Variants in RIF1 observed in about 807,000 individuals in gnomAD.
RIF1 encodes telomere-associated protein RIF1.
Under a neutral mutation model 247.1 loss-of-function variants are expected in RIF1, and 45 were observed. That is an observed-to-expected ratio of 0.18 (90% CI 0.14 to 0.23). The LOEUF (loss-of-function observed/expected upper bound fraction) is 0.23, where lower values mean the gene tolerates loss of function less well. RIF1 is among the 10% of genes least tolerant of loss of function. The probability of loss-of-function intolerance (pLI) is 1.00; values close to 1 mark genes in which losing one functional copy is unlikely to be tolerated. For synonymous variants in RIF1, 1,087 were observed against 978.8 expected (o/e 1.11, Z -2.06); for missense variants, 2,967 against 2,862.5 (o/e 1.04, Z -0.83).
the RIF1 span, among the ~76,000 whole-genome samples, chr2:151,533,708 C>T: frequency 3.3e-5 from 5 of 152,140 alleles, no homozygotes; most frequent in African/African-American, 1.2e-4. Context: ...TAATGTGAAG[C>T]AGAATGACTG....
chr2:151,512,833 T>C, downstream of RIF1: 1 of 1,606,502 alleles, frequency 6.2e-7, no homozygotes, highest in South Asian at 1.1e-5. Flanking sequence ...TTGCTTATAC[T>C]TAATCTGTAA....
At chr2:151,516,671 C>A in the RIF1 span, 2 of 746,866 alleles carry the variant, frequency 2.7e-6, no homozygotes, top group Non-Finnish European at 4.7e-6. Flanking sequence ...GATGGCATCT[C>A]ATTGCCACTC....
chr2:151,526,603 T>C, the RIF1 span, among the ~76,000 whole-genome samples: 2 of 152,190 alleles, frequency 1.3e-5, no homozygotes, highest in African/African-American at 4.8e-5. Flanking sequence ...AGGGAAAGTA[T>C]GATCCCATAG....
At position 151,476,723 on chromosome 2, in the gene RIF1, AT is replaced by A. The variant is rs1306165928; in HGVS notation, c.*1655del. 1 of 152,182 alleles carries A rather than the reference AT, an allele frequency of 6.6e-6. No homozygotes were observed. The highest frequency in any genetic ancestry group is 1.9e-4 in the East Asian group (1 of 5,200). The allele number at this position is 152,182 out of a possible 1,614,324, so 9.4% of individuals were successfully genotyped here. A position where few individuals can be genotyped will look rare whatever the true frequency, so the allele number is the denominator to read the frequency against. ...TTGAAGTAACTAAAGAAAAATACTA[AT>A]TTCCTTAAAAGGAATTATAATTATG... On this transcript the variant is annotated 3_prime_UTR_variant, in exon 36 of 36. Coordinates refer to ENST00000444746, the MANE Select transcript of RIF1 (RefSeq NM_018151.5).
At chr2:151,503,237 A>T (rs1157201867) in intron 12 of RIF1, 1 of 783,258 alleles carries the variant, frequency 1.3e-6, no homozygotes, top group Non-Finnish European at 2.1e-6. Context: ...TACACAACAC[A>T]CACAGACACA....
intron 3 of RIF1, among the ~76,000 whole-genome samples, chr2:151,413,196 T>C (rs748913542): frequency 2.0e-5 from 3 of 151,916 alleles, no homozygotes; most frequent in Admixed American, 2.0e-4. Context: ...CCAGCTACTT[T>C]TTTTTTTGTA....
downstream of RIF1, among the ~76,000 whole-genome samples, chr2:151,511,067 C>G (rs1040784071): frequency 2.0e-5 from 3 of 152,190 alleles, no homozygotes; most frequent in African/African-American, 7.2e-5. Context: ...CCCAGGAGAG[C>G]AGAGCAAGTG....
chr2:151,449,676 T>A (rs1693924842), intron 20 of RIF1, among the ~76,000 whole-genome samples: 1 of 152,222 alleles, frequency 6.6e-6, no homozygotes, highest in African/African-American at 2.4e-5. Context: ...TATCTAAGTC[T>A]ACCAAGGAAA....
At chr2:151,502,851 G>T in intron 11 of RIF1, 1 of 1,606,062 alleles carries the variant, frequency 6.2e-7, no homozygotes, top group African/African-American at 1.3e-5. Flanking sequence ...GATAGGTGTT[G>T]GGATTCCTTT....
chr2:151,438,185 A>G (rs1249441932), intron 13 of RIF1, among the ~76,000 whole-genome samples: 1 of 152,230 alleles, frequency 6.6e-6, no homozygotes, highest in Non-Finnish European at 1.5e-5. Flanking sequence ...TGTTTTAAGG[A>G]ACACATTTAT....
At chr2:151,498,824 T>A (rs1559237277) in intron 10 of RIF1, among the ~76,000 whole-genome samples, 2 of 152,010 alleles carry the variant, frequency 1.3e-5, no homozygotes, top group Non-Finnish European at 2.9e-5. Flanking sequence ...AGTATTTAAT[T>A]TTTAGTTTGG....
chr2:151,423,051 C>G lies in RIF1; in HGVS notation c.786+9C>G, dbSNP rs1010238383. On this transcript the variant is annotated intron_variant, in intron 8 of 35. Coordinates refer to ENST00000444746, the MANE Select transcript of RIF1 (RefSeq NM_018151.5). ...TCAAACTACTTGGAAGGGTAAGTGC[C>G]CAGTTAATGAACAGTCAACAGTTTT... The G allele has an allele frequency of 4.1e-6, 6 of 1,455,194 alleles. No homozygotes were observed. In the African/African-American group the frequency reaches 8.4e-5, roughly 20 times the overall value. 90.1% of individuals were successfully genotyped at this position (1,455,194 alleles called of 1,614,324 possible). A position where few individuals can be genotyped will look rare whatever the true frequency, so the allele number is the denominator to read the frequency against.
At position 151,411,472 on chromosome 2, in the gene RIF1, G is replaced by A. The variant is rs537429388; in HGVS notation, c.183+134G>A. 8.4e-5 allele frequency: 48 copies of A among 571,418 alleles called. No individual in the cohort carries two copies. The East Asian group carries it at 1.4e-3, about 17-fold the overall frequency. 35.4% of individuals were successfully genotyped at this position (571,418 alleles called of 1,614,324 possible). On this transcript the variant is annotated intron_variant, in intron 3 of 35. Coordinates refer to ENST00000444746, the MANE Select transcript of RIF1 (RefSeq NM_018151.5). ...AGTGCAATGGCTCAGGCTCGGGCTC[G>A]GCTCACTGAAACCTCCGCCTCTCGG... is the stretch of plus-strand genomic sequence containing the variant.
chr2:151,505,985 C>T (rs866939872), intron 12 of RIF1: 29 of 622,956 alleles, frequency 4.7e-5, no homozygotes, highest in South Asian at 2.4e-4. Context: ...TCATGAAAAC[C>T]GCCAAGGCAC....
At position 151,498,170 on chromosome 2, in the gene RIF1, G is replaced by GAA. The variant is rs374650537; in HGVS notation, c.*514-1173_*514-1172dup. On this transcript the variant is annotated intron_variant and NMD_transcript_variant, in intron 10 of 13. Transcript: ENST00000454583. ...TAAGATGTATTAGAAGCAAAGAAGGGAAATGGGCTTCAAACAAAAATAAAT... is the reference window on the plus strand; with the variant it reads ...TAAGATGTATTAGAAGCAAAGAAGGGAAAAATGGGCTTCAAACAAAAATAAAT... The GAA allele has an allele frequency of 3.2e-4, 500 of 1,543,422 alleles. No homozygotes were observed. In the African/African-American group the frequency reaches 5.7e-3, roughly 18 times the overall value.
the RIF1 span, chr2:151,527,672 T>A: frequency 1.2e-6 from 1 of 857,632 alleles, no homozygotes; most frequent in African/African-American, 1.7e-5. Context: ...CTCTTGCATT[T>A]CAAAACATCT....
the RIF1 span, among the ~76,000 whole-genome samples, chr2:151,523,147 A>G: frequency 3.9e-5 from 6 of 151,912 alleles, no homozygotes; most frequent in Admixed American, 2.0e-4. Context: ...AGTTCTTGTT[A>G]CATCTCATTA....
At chr2:151,513,850 G>T in the RIF1 span, among the ~76,000 whole-genome samples, 1 of 152,230 alleles carries the variant, frequency 6.6e-6, no homozygotes, top group Non-Finnish European at 1.5e-5. Flanking sequence ...GTGGTAGGAT[G>T]AAGTGGTGTC....
At chr2:151,526,244 G>A in the RIF1 span, 1 of 1,611,666 alleles carries the variant, frequency 6.2e-7, no homozygotes, top group South Asian at 1.1e-5. Flanking sequence ...TCCTTGACAT[G>A]TTTCTCTTTG....
Sources: gnomAD v4.1 joint callset for allele counts (sites outside exome capture counted in the v4.1 genomes callset) on GRCh38, gnomAD v4.1.1 for gene constraint, MANE v1.5 for transcripts, NCBI Gene and HGNC (gene_info 2026-07-23, HGNC 2026-07-21) for gene names.